Variants in GABRG3 observed in about 807,000 individuals in gnomAD.
GABRG3 encodes gamma-aminobutyric acid receptor subunit gamma-3.
In GABRG3, 25 loss-of-function variants were observed where a neutral mutation model predicts 48.8. The observed-to-expected ratio is 0.51, with a 90% confidence interval of 0.37 to 0.72. The LOEUF (loss-of-function observed/expected upper bound fraction) is 0.72, where lower values mean the gene tolerates loss of function less well. GABRG3 is among the 30% of genes least tolerant of loss of function. The pLI is 0.00. For synonymous variants in GABRG3, 227 were observed against 217.6 expected (o/e 1.04, Z -0.38); for missense variants, 394 against 577.9 (o/e 0.68, Z 3.26).
Position 27,358,977 on chromosome 15 carries a change from G to A in GABRG3, c.574+30089G>A, listed in dbSNP as rs141195714. On this transcript the variant is annotated intron_variant, in intron 5 of 9. Transcript: ENST00000615808. ...TCTAGGCTTTCCCTGGGGAGGACCC[G>A]GCGGGGCGAACGCAGGCTCAGCGCA... Among the ~76,000 whole-genome samples the A allele has an allele frequency of 6.0e-3, 908 of 152,342 alleles. 6 individuals carry two copies. Among genetic ancestry groups the A allele is most frequent in the African/African-American group, 0.021 (854 of 41,588 alleles).
intron 5 of GABRG3, among the ~76,000 whole-genome samples, chr15:27,356,938 G>A (rs1894861110): frequency 6.6e-6 from 1 of 152,136 alleles, no homozygotes; most frequent in African/African-American, 2.4e-5. Context: ...TTAATTCTAG[G>A]TGATGTTCAT....
Position 26,996,396 on chromosome 15 carries a change from G to A in GABRG3, c.202+19246G>A, listed in dbSNP as rs962821386. 1.3e-3 allele frequency among the ~76,000 whole-genome samples: 194 copies of A among 151,880 alleles called. 2 individuals are homozygous for A. Among genetic ancestry groups the A allele is most frequent in the Non-Finnish European group, 3.7e-4 (25 of 67,964 alleles). ...TTTTTATATTAATCACTTTGAATAT[G>A]CAGTCACATTGTCTTCTGGCTTCCA... On this transcript the variant is annotated intron_variant, in intron 2 of 9. Transcript: ENST00000615808.
intron 5 of GABRG3, among the ~76,000 whole-genome samples, chr15:27,374,420 G>A (rs546525135): frequency 3.3e-5 from 5 of 151,998 alleles, no homozygotes; most frequent in East Asian, 1.9e-4. Flanking sequence ...CATGCACCAC[G>A]GCACCAGTGA....
chr15:27,334,705 C>CA (rs112944127), intron 5 of GABRG3, among the ~76,000 whole-genome samples: 18,575 of 145,870 alleles, frequency 0.13, 2,774 homozygotes, highest in African/African-American at 0.37. Context: ...TGTCTATGGG[C>CA]AAAAAAATAA....
intron 5 of GABRG3, among the ~76,000 whole-genome samples, chr15:27,339,568 G>T (rs1288826604): frequency 1.3e-5 from 2 of 152,214 alleles, no homozygotes; most frequent in East Asian, 3.9e-4. Context: ...GTTGCAGTCA[G>T]TCGGGCTGGC....
At chr15:27,069,622 A>G (rs558963139) in intron 3 of GABRG3, among the ~76,000 whole-genome samples, 1 of 152,236 alleles carries the variant, frequency 6.6e-6, no homozygotes. Context: ...TAAAATGTTA[A>G]CTGCCGTTAT....
intron 2 of GABRG3, among the ~76,000 whole-genome samples, chr15:26,991,894 G>C (rs1243817234): frequency 1.3e-5 from 2 of 151,876 alleles, no homozygotes; most frequent in African/African-American, 4.8e-5. Flanking sequence ...CTAATTTTTT[G>C]TATTTTTAGT....
At chr15:27,089,990 A>G (rs1461138375) in intron 3 of GABRG3, among the ~76,000 whole-genome samples, 1 of 152,232 alleles carries the variant, frequency 6.6e-6, no homozygotes, top group African/African-American at 2.4e-5. Flanking sequence ...GCCATTTTAA[A>G]TAGAACTGCT....
rs914085305 is a variant in GABRG3, at chr15:27,128,007, A to G, written c.270+101186A>G. ...GAGAAGCAGGAAATGTGACCTGGGT[A>G]TGGAAGGCGATAAAATGGACACATC... On this transcript the variant is annotated intron_variant, in intron 3 of 9. Coordinates refer to ENST00000615808, the MANE Select transcript of GABRG3 (RefSeq NM_033223.5). 5.3e-5 allele frequency among the ~76,000 whole-genome samples: 8 copies of G among 152,304 alleles called. No individual in the cohort carries two copies. In the East Asian group the frequency reaches 1.4e-3, roughly 26 times the overall value.
chr15:27,025,684 A>C (rs1868285511), intron 2 of GABRG3, among the ~76,000 whole-genome samples: 1 of 152,184 alleles, frequency 6.6e-6, no homozygotes, highest in Non-Finnish European at 1.5e-5. Context: ...CAGAGCTGCC[A>C]TTCATTGTTT....
At chr15:27,292,015 C>T (rs1555415606) in intron 3 of GABRG3, among the ~76,000 whole-genome samples, 4 of 152,196 alleles carry the variant, frequency 2.6e-5, no homozygotes, top group Non-Finnish European at 1.5e-5. Context: ...TCAACTCCCA[C>T]TTATGAGTGA....
chr15:27,285,187 T>C (rs1891566217), intron 3 of GABRG3, among the ~76,000 whole-genome samples: 1 of 152,094 alleles, frequency 6.6e-6, no homozygotes, highest in Non-Finnish European at 1.5e-5. Flanking sequence ...AGTTTTTCTA[T>C]AATATGTTTT....
chr15:27,291,812 T>C (rs1441576888), intron 3 of GABRG3, among the ~76,000 whole-genome samples: 3 of 152,212 alleles, frequency 2.0e-5, no homozygotes, highest in East Asian at 1.9e-4. Context: ...AGCTCTCCAA[T>C]AGAGAGAAGA....
At chr15:27,199,825 C>T (rs1161193667) in intron 3 of GABRG3, among the ~76,000 whole-genome samples, 3 of 152,092 alleles carry the variant, frequency 2.0e-5, no homozygotes, top group Admixed American at 1.3e-4. Context: ...AGAAACTTAC[C>T]CTTTAAATTT....
chr15:27,049,177 T>C (rs1896414161), intron 3 of GABRG3, among the ~76,000 whole-genome samples: 1 of 152,242 alleles, frequency 6.6e-6, no homozygotes, highest in Non-Finnish European at 1.5e-5. Flanking sequence ...TTGATGTGCG[T>C]AACCGTTTTT....
At chr15:27,227,168 T>G (rs948395734) in intron 3 of GABRG3, among the ~76,000 whole-genome samples, 2 of 152,130 alleles carry the variant, frequency 1.3e-5, no homozygotes, top group Non-Finnish European at 2.9e-5. Context: ...AATTAGAACA[T>G]GTAGTAATTA....
chr15:27,075,214 C>T (rs1239238561), intron 3 of GABRG3, among the ~76,000 whole-genome samples: 2 of 152,120 alleles, frequency 1.3e-5, no homozygotes, highest in Non-Finnish European at 1.5e-5. Context: ...AAAGGCTTCC[C>T]TCTTTTATTG....
intron 5 of GABRG3, among the ~76,000 whole-genome samples, chr15:27,474,386 A>C (rs1274149961): frequency 6.6e-6 from 1 of 152,242 alleles, no homozygotes; most frequent in Non-Finnish European, 1.5e-5. Flanking sequence ...ATTTAATATA[A>C]GAATGCTAAA....
chr15:27,516,477 T>G (rs1891022031), intron 6 of GABRG3, among the ~76,000 whole-genome samples: 1 of 152,238 alleles, frequency 6.6e-6, no homozygotes, highest in Non-Finnish European at 1.5e-5. Flanking sequence ...CTGCTCCTCC[T>G]TCCACAGCCA....
Sources: allele counts gnomAD v4.1 joint callset (sites outside exome capture counted in the v4.1 genomes callset), GRCh38; gene constraint gnomAD v4.1.1; transcripts MANE v1.5; gene names NCBI Gene and HGNC (gene_info 2026-07-23, HGNC 2026-07-21).